SLC35D4: variants seen among roughly 807,000 people sequenced by gnomAD.
The protein encoded by SLC35D4 is UDP-N-acetylglucosamine transporter SLC35D4.
At chr18:23,369,952 G>A in the SLC35D4 span, among the ~76,000 whole-genome samples, 67 of 152,226 alleles carry the variant, frequency 4.4e-4, no homozygotes, top group Admixed American at 1.6e-3. Flanking sequence ...AGGCCGAGGC[G>A]GGCGGATCAC....
chr18:23,427,558 T>G, the SLC35D4 span, among the ~76,000 whole-genome samples: 8 of 152,152 alleles, frequency 5.3e-5, no homozygotes, highest in East Asian at 1.9e-4. Context: ...GGAACACTTT[T>G]ACACTGTTGG....
At chr18:23,286,582 C>T in the SLC35D4 span, among the ~76,000 whole-genome samples, 110,245 of 151,506 alleles carry the variant, frequency 0.73, 40,348 homozygotes, top group Middle Eastern at 0.87. Flanking sequence ...TGCCGAGCTT[C>T]AGGTAACTCT....
chr18:23,386,256 T>C, the SLC35D4 span, among the ~76,000 whole-genome samples: 1 of 151,694 alleles, frequency 6.6e-6, no homozygotes, highest in East Asian at 1.9e-4. Context: ...AAATTGAAGA[T>C]CTTGAGACAG....
chr18:23,257,119 G>T, the SLC35D4 span: 3 of 1,276,918 alleles, frequency 2.3e-6, no homozygotes, highest in Non-Finnish European at 3.3e-6. Context: ...GCCCAAAGTG[G>T]ATTTCTCCTG....
chr18:23,245,914 C>T, the SLC35D4 span, among the ~76,000 whole-genome samples: 3 of 152,254 alleles, frequency 2.0e-5, no homozygotes, highest in South Asian at 2.1e-4. Flanking sequence ...GGGCCTGCTG[C>T]GGGCCACAAG....
chr18:23,332,361 A>G, the SLC35D4 span, among the ~76,000 whole-genome samples: 1 of 152,182 alleles, frequency 6.6e-6, no homozygotes. Context: ...ACTTGTGAAC[A>G]TATGTCTTTG....
the SLC35D4 span, among the ~76,000 whole-genome samples, chr18:23,373,330 C>CA: frequency 1.3e-5 from 2 of 151,954 alleles, no homozygotes; most frequent in African/African-American, 4.8e-5. Context: ...AAAACAAAAA[C>CA]AAAAACAAAA....
At chr18:23,384,847 G>A in the SLC35D4 span, 1 of 645,966 alleles carries the variant, frequency 1.5e-6, no homozygotes, top group African/African-American at 1.8e-5. Context: ...TGTGTCCCAT[G>A]GTATCATTGA....
the SLC35D4 span, among the ~76,000 whole-genome samples, chr18:23,406,539 CATCA>C: frequency 1.3e-5 from 2 of 152,180 alleles, no homozygotes; most frequent in Non-Finnish European, 2.9e-5. Flanking sequence ...CAAAACTGAG[CATCA>C]ATCAATCAAT....
the SLC35D4 span, among the ~76,000 whole-genome samples, chr18:23,277,029 C>T: frequency 1.3e-5 from 2 of 152,196 alleles, no homozygotes; most frequent in African/African-American, 4.8e-5. Flanking sequence ...AACTAATAGC[C>T]ATTTCTTTTT....
At chr18:23,306,456 G>A in the SLC35D4 span, among the ~76,000 whole-genome samples, 102 of 152,104 alleles carry the variant, frequency 6.7e-4, no homozygotes, top group African/African-American at 2.4e-3. Context: ...ACAGGCATGC[G>A]CCATCACACC....
the SLC35D4 span, among the ~76,000 whole-genome samples, chr18:23,343,750 G>A: frequency 5.3e-5 from 8 of 152,166 alleles, no homozygotes; most frequent in East Asian, 7.7e-4. Context: ...GGTGTCAGCC[G>A]TTACTTTCTT....
the SLC35D4 span, among the ~76,000 whole-genome samples, chr18:23,265,830 C>T: frequency 6.6e-6 from 1 of 151,810 alleles, no homozygotes; most frequent in African/African-American, 2.4e-5. Flanking sequence ...TTTTAAAAAT[C>T]GTGGCTTCCA....
At chr18:23,372,806 T>A in the SLC35D4 span, among the ~76,000 whole-genome samples, 1 of 152,202 alleles carries the variant, frequency 6.6e-6, no homozygotes, top group Admixed American at 6.5e-5. Flanking sequence ...AGGCTTGACT[T>A]CTGCCTGAGC....
chr18:23,238,595 G>A, the SLC35D4 span, among the ~76,000 whole-genome samples: 99 of 152,342 alleles, frequency 6.5e-4, no homozygotes, highest in African/African-American at 2.2e-3. Context: ...AGGCAAGCAC[G>A]TAATAAGTGT....
the SLC35D4 span, among the ~76,000 whole-genome samples, chr18:23,245,549 C>T: frequency 4.8e-4 from 72 of 151,474 alleles, no homozygotes; most frequent in African/African-American, 1.5e-3. Flanking sequence ...TTTCTGCAGT[C>T]GATATGGGAG....
At chr18:23,389,178 G>A in the SLC35D4 span, among the ~76,000 whole-genome samples, 3 of 151,868 alleles carry the variant, frequency 2.0e-5, no homozygotes, top group South Asian at 2.1e-4. Flanking sequence ...TAGTAGAGAC[G>A]AGGTTTCACC....
the SLC35D4 span, among the ~76,000 whole-genome samples, chr18:23,433,218 C>T: frequency 8.6e-5 from 13 of 151,962 alleles, no homozygotes; most frequent in Non-Finnish European, 1.9e-4. Context: ...CACCACCATG[C>T]CCAGCTAATT....
chr18:23,257,556 G>T, the SLC35D4 span: 4 of 571,366 alleles, frequency 7.0e-6, no homozygotes, highest in East Asian at 9.9e-5. Context: ...GGAGCCATGA[G>T]CTATGGACTC....
Sources: allele counts gnomAD v4.1 joint callset (sites outside exome capture counted in the v4.1 genomes callset), GRCh38; gene constraint gnomAD v4.1.1; transcripts MANE v1.5; gene names NCBI Gene and HGNC (gene_info 2026-07-23, HGNC 2026-07-21).